The following IPO5 variants were observed in gnomAD, a reference collection of about 807,000 sequenced individuals.
IPO5 encodes the protein importin 5, also known as importin-5.
A neutral mutation model predicts 143.3 loss-of-function variants in IPO5; 18 were observed. The ratio of observed to expected loss-of-function variants is 0.13; its 90% CI spans 0.09 to 0.19. The LOEUF (loss-of-function observed/expected upper bound fraction) is 0.19, where lower values mean the gene tolerates loss of function less well. IPO5 is among the 10% of genes least tolerant of loss of function. IPO5 has a pLI of 1.00. For synonymous variants in IPO5, 477 were observed against 465.7 expected, an observed-to-expected ratio of 1.02 and a Z score of -0.31; for missense variants, 1,013 against 1,336.9, an observed-to-expected ratio of 0.76 and a Z score of 3.78.
At chr13:97,993,319 A>T (rs955816765) in intron 11 of IPO5, 94 bp downstream of exon 11, 5 of 1,031,180 alleles carry the variant, frequency 4.8e-6, no homozygotes, top group Admixed American at 2.1e-5. Flanking sequence ...ATTGTTGAGA[A>T]TATAATGAAT....
chr13:98,000,284 CAA>C (rs111826649), intron 12 of IPO5, among the ~76,000 whole-genome samples: 2 of 118,636 alleles, frequency 1.7e-5, no homozygotes, highest in Admixed American at 8.6e-5. Context: ...GACTCTGTCT[CAA>C]AAAAAAAAAA....
At chr13:98,021,664 C>A in intron 28 of IPO5, 72 bp from the exon 29 acceptor site, 1 of 838,398 alleles carries the variant, frequency 1.2e-6, no homozygotes, top group Non-Finnish European at 1.8e-6. Flanking sequence ...TTACAGTTTA[C>A]CTATGATGAT....
intron 2 of IPO5, among the ~76,000 whole-genome samples, chr13:97,954,468 T>A (rs1341542926): frequency 6.6e-6 from 1 of 152,214 alleles, no homozygotes; most frequent in Admixed American, 6.5e-5. Context: ...CCATTTAAAA[T>A]CTTTAGAGTA....
At chr13:97,957,864 A>T (rs1040489115) in intron 2 of IPO5, among the ~76,000 whole-genome samples, 4 of 152,028 alleles carry the variant, frequency 2.6e-5, no homozygotes, top group Admixed American at 2.0e-4. Context: ...TGTCTTCTGT[A>T]ATCCCAGCTA....
Position 98,002,669 on chromosome 13 carries a change from G to A in IPO5, c.1234-15G>A. On this transcript the variant is annotated splice_polypyrimidine_tract_variant and intron_variant, in intron 14 of 28. Transcript: ENST00000651721. ...AACCTTCTTGCTTTTACTAATGAAA[G>A]GGAACATTTTCCAGCATCCAAGAGT... 2 of 1,607,074 alleles carry A rather than the reference G, an allele frequency of 1.2e-6. No individual in the cohort carries two copies. The highest frequency in any genetic ancestry group is 1.7e-6 in the Non-Finnish European group (2 of 1,176,098).
At chr13:97,995,124 CAA>C (rs1281466925) in intron 11 of IPO5, among the ~76,000 whole-genome samples, 19 of 76,366 alleles carry the variant, frequency 2.5e-4, no homozygotes, top group Admixed American at 4.5e-4. Flanking sequence ...GACCCTGTCT[CAA>C]AAAAAAAAAA....
chr13:97,990,831 A>G (rs1020881557), intron 9 of IPO5, among the ~76,000 whole-genome samples: 1 of 152,218 alleles, frequency 6.6e-6, no homozygotes, highest in Non-Finnish European at 1.5e-5. Context: ...CATTAAATCA[A>G]CCAAATAACC....
chr13:98,017,679 C>G (rs570648418), intron 25 of IPO5, among the ~76,000 whole-genome samples: 1 of 152,264 alleles, frequency 6.6e-6, no homozygotes, highest in Admixed American at 6.5e-5. Flanking sequence ...TGCCTCTGCC[C>G]CTGTGCGTGC....
At chr13:97,985,045 G>A (rs551218121) in intron 5 of IPO5, among the ~76,000 whole-genome samples, 178 of 152,308 alleles carry the variant, frequency 1.2e-3, no homozygotes, top group Non-Finnish European at 2.1e-3. Context: ...GGTTGGGTGG[G>A]AAAGGCGCTT....
intron 13 of IPO5, chr13:98,001,811 G>A (rs76282191): frequency 0.015 from 2,237 of 150,546 alleles, 46 homozygotes; most frequent in East Asian, 0.077. Context: ...ACGGGGTTTC[G>A]CCATGTTGGC....
In IPO5 at chr13:98,002,236, C is replaced by A; in HGVS notation, c.1109-231C>A. ...TTCACCACGTTAACCAGGATGGTCT[C>A]GATCTCCTGACCTTGTGATCCGCCC... On this transcript the variant is annotated intron_variant, in intron 13 of 28. Coordinates refer to ENST00000651721, the MANE Select transcript of IPO5 (RefSeq NM_002271.6). 3 of 287,448 alleles carry A rather than the reference C, an allele frequency of 1.0e-5. No homozygotes were observed. In the South Asian group the frequency reaches 2.6e-4, roughly 25 times the overall value. The allele number at this position is 287,448 out of a possible 1,614,324, so 17.8% of individuals were successfully genotyped here.
Position 98,003,023 on chromosome 13 carries a change from C to T in IPO5, c.1483C>T (p.Leu495=). 1.2e-6 allele frequency: 2 copies of T among 1,607,804 alleles called. No homozygotes were observed. The change falls in exon 16 of 29, where the codon CTG becomes TTG. Residue 495 remains leucine, a synonymous_variant. Transcript: ENST00000651721. ...GAAACATCTGCATTCCATTATGGTA[C>T]TGAAGCTTCAAGAGGTAAGTTTTAA... ...LVKHLHSIMV[L]KLQELIQKGT... is the part of the protein sequence containing the mutation.
intron 26 of IPO5, among the ~76,000 whole-genome samples, chr13:98,019,051 G>C (rs1890308057): frequency 6.6e-6 from 1 of 152,036 alleles, no homozygotes; most frequent in African/African-American, 2.4e-5. Flanking sequence ...CGCCTCCCGG[G>C]TTCGAGCAAT....
intron 11 of IPO5, among the ~76,000 whole-genome samples, chr13:97,993,601 A>G (rs624066): frequency 0.65 from 98,183 of 152,118 alleles, 33,234 homozygotes; most frequent in African/African-American, 0.87. Flanking sequence ...AGTGAAGCCA[A>G]GATTAGAAGA....
intron 5 of IPO5, 132 bp from the exon 6 acceptor site, chr13:97,985,289 A>G: frequency 7.3e-6 from 5 of 681,864 alleles, no homozygotes; most frequent in Non-Finnish European, 1.2e-5. Flanking sequence ...TGTATAATAG[A>G]CTAATGTAAT....
chr13:97,976,568 C>G (rs1158003117), intron 3 of IPO5, 125 bp from the exon 4 acceptor site: 1 of 187,690 alleles, frequency 5.3e-6, no homozygotes, highest in Admixed American at 6.4e-5. Context: ...CCCGCGCGGC[C>G]CCCCGCAAGC....
Position 98,020,968 on chromosome 13 carries a change from T to TAGTA in IPO5, c.3066-23_3066-22insGTAA, listed in dbSNP as rs780939119. ...ATTTCTCCTTATAAATTTCACTTACTAAGGTTTTCTTCTCATTTGTCAGTA... is the reference window on the plus strand; with the variant it reads ...ATTTCTCCTTATAAATTTCACTTACTAGTAAAGGTTTTCTTCTCATTTGTCAGTA... On this transcript the variant is annotated intron_variant, in intron 27 of 28. Coordinates refer to ENST00000651721, the MANE Select transcript of IPO5 (RefSeq NM_002271.6). The TAGTA allele has an allele frequency of 2.5e-6, 4 of 1,585,244 alleles. No homozygotes were observed. The South Asian group carries it at 3.4e-5, about 14-fold the overall frequency.
chr13:98,006,089 C>T (rs1889214757), intron 16 of IPO5, 41 bp from the exon 17 acceptor site: 1 of 1,339,494 alleles, frequency 7.5e-7, no homozygotes, highest in Non-Finnish European at 1.1e-6. Context: ...AATACTTCTT[C>T]CAGTTTTCCT....
chr13:97,983,537 A>AG (rs1887035838), intron 5 of IPO5, among the ~76,000 whole-genome samples: 1 of 99,552 alleles, frequency 1.0e-5, no homozygotes, highest in African/African-American at 3.7e-5. Flanking sequence ...AGCTAATTCC[A>AG]CCCCCCCCCC....
Sources: allele counts gnomAD v4.1 joint callset (sites outside exome capture counted in the v4.1 genomes callset), GRCh38; gene constraint gnomAD v4.1.1; transcripts MANE v1.5; gene names NCBI Gene and HGNC (gene_info 2026-07-23, HGNC 2026-07-21).